SPEF2: variants seen among roughly 807,000 people sequenced by gnomAD.
SPEF2 encodes the protein sperm flagellar and cilia associated 2.
A neutral mutation model predicts 224.6 loss-of-function variants in SPEF2; 187 were observed. The ratio of observed to expected loss-of-function variants is 0.83; its 90% confidence interval spans 0.74 to 0.94. SPEF2 has a LOEUF of 0.94. Among genes scored for constraint, SPEF2 ranks in the 40% least tolerant of loss-of-function variants. The pLI, the probability that SPEF2 is intolerant of heterozygous loss-of-function variation, is 0.00. For missense variants in SPEF2, 2,170 were observed against 2,135.6 expected, an observed-to-expected ratio of 1.02 and a Z score of -0.32; for synonymous variants, 715 against 707.3, an observed-to-expected ratio of 1.01 and a Z score of -0.17.
intron 12 of SPEF2, among the ~76,000 whole-genome samples, chr5:35,693,008 G>A (rs1754748495): frequency 6.6e-6 from 1 of 152,140 alleles, no homozygotes; most frequent in Non-Finnish European, 1.5e-5. Flanking sequence ...TTGTGTGATG[G>A]GCCCCCTTTG....
intron 29 of SPEF2, among the ~76,000 whole-genome samples, chr5:35,778,714 A>T (rs565870893): frequency 6.6e-6 from 1 of 152,216 alleles, no homozygotes; most frequent in Non-Finnish European, 1.5e-5. Flanking sequence ...AATAAATGTA[A>T]TTCTAATAGT....
chr5:35,654,136 T>C (rs1748619612), intron 6 of SPEF2, among the ~76,000 whole-genome samples: 1 of 151,514 alleles, frequency 6.6e-6, no homozygotes, highest in African/African-American at 2.4e-5. Flanking sequence ...GGCACATGCC[T>C]GTAATCCCAG....
chr5:35,768,735 T>C (rs1014054034), intron 26 of SPEF2, among the ~76,000 whole-genome samples: 8 of 152,292 alleles, frequency 5.3e-5, no homozygotes, highest in African/African-American at 1.4e-4. Flanking sequence ...ACAATCATAT[T>C]TGAATACTGC....
At chr5:35,696,566 A>T (rs56297110) in intron 14 of SPEF2, among the ~76,000 whole-genome samples, 5,165 of 152,320 alleles carry the variant, frequency 0.034, 314 homozygotes, top group African/African-American at 0.12. Flanking sequence ...ATTCAATTCA[A>T]TTCCAAGAGC....
intron 30 of SPEF2, among the ~76,000 whole-genome samples, chr5:35,786,489 G>C (rs1032673165): frequency 6.6e-6 from 1 of 151,844 alleles, no homozygotes; most frequent in African/African-American, 2.4e-5. Flanking sequence ...GTGAAACCCC[G>C]TCTCTAATAA....
chr5:35,722,398 G>C (rs571327900), intron 20 of SPEF2, among the ~76,000 whole-genome samples: 1 of 151,728 alleles, frequency 6.6e-6, no homozygotes, highest in Non-Finnish European at 1.5e-5. Flanking sequence ...TTGGGGACTT[G>C]GTTTCCCCCA....
chr5:35,790,710 T>C (rs1050660677), intron 30 of SPEF2: 7 of 175,432 alleles, frequency 4.0e-5, no homozygotes, highest in African/African-American at 1.4e-4. Flanking sequence ...TGAGTTCCCT[T>C]AGGCCTGGCA....
At chr5:35,666,602 T>C (rs1039567900) in intron 8 of SPEF2, among the ~76,000 whole-genome samples, 1 of 152,154 alleles carries the variant, frequency 6.6e-6, no homozygotes, top group African/African-American at 2.4e-5. Context: ...TTTCTAAGTA[T>C]AAACCAGTAT....
intron 8 of SPEF2, among the ~76,000 whole-genome samples, chr5:35,663,272 T>C (rs957440205): frequency 5.3e-5 from 8 of 152,176 alleles, no homozygotes; most frequent in Admixed American, 2.0e-4. Context: ...TTTACTGCAA[T>C]AGACAGATGA....
At chr5:35,676,651 C>T (rs543485819) in intron 10 of SPEF2, among the ~76,000 whole-genome samples, 216 of 152,158 alleles carry the variant, frequency 1.4e-3, no homozygotes, top group Middle Eastern at 0.01. Flanking sequence ...ATCCCTTGAA[C>T]CCGGGAGTCA....
intron 2 of SPEF2, among the ~76,000 whole-genome samples, chr5:35,632,707 C>A (rs1286240963): frequency 1.3e-5 from 2 of 151,992 alleles, no homozygotes; most frequent in African/African-American, 4.8e-5. Context: ...CTATAAATTT[C>A]CCTCTAAGCA....
intron 25 of SPEF2, among the ~76,000 whole-genome samples, chr5:35,762,206 T>A (rs1282879221): frequency 6.6e-6 from 1 of 152,194 alleles, no homozygotes; most frequent in East Asian, 1.9e-4. Context: ...AGTTTATACC[T>A]ACTAATAGTG....
chr5:35,704,987 A>G (rs572651117), intron 17 of SPEF2, among the ~76,000 whole-genome samples: 9 of 152,246 alleles, frequency 5.9e-5, no homozygotes, highest in African/African-American at 9.6e-5. Context: ...TGGAACTTCA[A>G]AAAGTTAGTC....
At chr5:35,670,329 G>T in intron 10 of SPEF2, 102 bp downstream of exon 10, 2 of 1,452,862 alleles carry the variant, frequency 1.4e-6, no homozygotes, top group African/African-American at 2.9e-5. Flanking sequence ...AATAAAAATA[G>T]ACATGTTTTG....
intron 27 of SPEF2, 77 bp downstream of exon 27, chr5:35,771,833 C>T: frequency 1.3e-6 from 2 of 1,490,156 alleles, no homozygotes; most frequent in Non-Finnish European, 9.0e-7. Flanking sequence ...TAACTGGACA[C>T]ATTATTAGCC....
chr5:35,675,487 TTTGTAGACTAAGCCTCA>T (rs1751840045), intron 10 of SPEF2: 1 of 155,934 alleles, frequency 6.4e-6, no homozygotes, highest in Admixed American at 6.2e-5. Flanking sequence ...GGCTATGGCT[TTTGTAGACTAAGCCTCA>T]TTGTATCTTG....
Position 35,717,701 on chromosome 5 carries a change from A to G in SPEF2, c.2914+4815A>G, listed in dbSNP as rs150028741. ...GCAGTTTGAATCCCAGTTTCCACACAGGAAAAGGAGGGGCTAGGCTCCTCC... is the reference window on the plus strand; with the variant it reads ...GCAGTTTGAATCCCAGTTTCCACACGGGAAAAGGAGGGGCTAGGCTCCTCC... On this transcript the variant is annotated intron_variant, in intron 20 of 36. Transcript: ENST00000356031. 5.5e-3 allele frequency among the ~76,000 whole-genome samples: 830 copies of G among 152,232 alleles called. 11 individuals are homozygous for G. Among genetic ancestry groups the G allele is most frequent in the African/African-American group, 0.019 (807 of 41,554 alleles).
intron 10 of SPEF2, among the ~76,000 whole-genome samples, chr5:35,689,994 A>G (rs963823414): frequency 3.3e-5 from 5 of 152,110 alleles, no homozygotes; most frequent in African/African-American, 1.2e-4. Flanking sequence ...ATTAATTTCC[A>G]TTTTTATTTT....
chr5:35,759,484 A>T (rs906308520), intron 24 of SPEF2, 84 bp from the exon 25 acceptor site: 2 of 1,184,314 alleles, frequency 1.7e-6, no homozygotes, highest in Non-Finnish European at 2.2e-6. Flanking sequence ...TTTTCAAAAT[A>T]GTGCTTTCAG....
Sources: gnomAD v4.1 joint callset for allele counts (sites outside exome capture counted in the v4.1 genomes callset) on GRCh38, gnomAD v4.1.1 for gene constraint, MANE v1.5 for transcripts, NCBI Gene and HGNC (gene_info 2026-07-23, HGNC 2026-07-21) for gene names.